Variants in NRXN1 observed in about 807,000 individuals in gnomAD.
NRXN1 encodes neurexin 1, also known as neurexin-1.
A neutral mutation model predicts 150.9 loss-of-function variants in NRXN1; 39 were observed. The ratio of observed to expected loss-of-function variants is 0.26; its 90% CI spans 0.20 to 0.34. The LOEUF is 0.34. Among genes scored for constraint, NRXN1 ranks in the 10% least tolerant of loss-of-function variants. NRXN1 has a pLI of 1.00. For missense variants in NRXN1, 1,815 were observed against 1,949.9 expected (o/e 0.93, Z 1.30); for synonymous variants, 924 against 757.0 (o/e 1.22, Z -3.62).
At chr2:50,813,641 TAC>T (rs1668531453) in intron 5 of NRXN1, among the ~76,000 whole-genome samples, 1 of 152,226 alleles carries the variant, frequency 6.6e-6, no homozygotes. Flanking sequence ...AAAGAGTTAT[TAC>T]TAAGTCTGAA....
intron 18 of NRXN1, among the ~76,000 whole-genome samples, chr2:50,207,385 T>A (rs1365511109): frequency 2.0e-5 from 3 of 152,056 alleles, no homozygotes; most frequent in Non-Finnish European, 4.4e-5. Flanking sequence ...TCCCTTGTGG[T>A]CACAATGGAA....
At chr2:50,402,548 T>C (rs1039422775) in intron 17 of NRXN1, among the ~76,000 whole-genome samples, 19 of 152,094 alleles carry the variant, frequency 1.2e-4, no homozygotes, top group Admixed American at 7.9e-4. Context: ...TAGTGTCCCC[T>C]GCTGGTCGAT....
chr2:50,812,720 A>AGTG (rs1668389915), intron 5 of NRXN1, among the ~76,000 whole-genome samples: 1 of 123,314 alleles, frequency 8.1e-6, no homozygotes, highest in Non-Finnish European at 1.7e-5. Context: ...CATAAATAAT[A>AGTG]AGAGTGTGTG....
At position 50,415,113 on chromosome 2, in the gene NRXN1, T is replaced by C. The variant is rs143051981; in HGVS notation, c.3364+50329A>G. Among the ~76,000 whole-genome samples the C allele has an allele frequency of 3.2e-3, 482 of 152,210 alleles. 12 individuals are homozygous for C. Among genetic ancestry groups the C allele is most frequent in the Admixed American group, 0.026 (405 of 15,286 alleles). On this transcript the variant is annotated intron_variant, in intron 17 of 22. Coordinates refer to ENST00000401669, the MANE Select transcript of NRXN1 (RefSeq NM_001330078.2). ...CTGTGGAATGGTACATAGGAAGGAC[T>C]TCATAGAAGCAGGGAGTAGGCAATG...
intron 5 of NRXN1, chr2:50,841,136 C>G (rs541557618): frequency 9.2e-5 from 14 of 152,642 alleles, no homozygotes; most frequent in Admixed American, 7.8e-4. Flanking sequence ...TATGAATGAG[C>G]TACATTACCT....
intron 5 of NRXN1, among the ~76,000 whole-genome samples, chr2:50,888,414 G>T (rs1680581058): frequency 6.6e-6 from 1 of 151,504 alleles, no homozygotes; most frequent in Non-Finnish European, 1.5e-5. Flanking sequence ...AGAAAGAACA[G>T]CTCAGGGCTA....
chr2:50,941,772 T>C (rs560619208), intron 2 of NRXN1, among the ~76,000 whole-genome samples: 1 of 152,172 alleles, frequency 6.6e-6, no homozygotes, highest in Non-Finnish European at 1.5e-5. Context: ...AAACAGAGCA[T>C]AAAAGTTTTG....
intron 18 of NRXN1, among the ~76,000 whole-genome samples, chr2:50,147,958 G>C (rs1047200303): frequency 5.3e-5 from 8 of 151,570 alleles, no homozygotes; most frequent in African/African-American, 1.9e-4. Flanking sequence ...ATAGGTCCTG[G>C]GTTGAGTGGG....
At chr2:51,013,710 G>C (rs1668248899) in intron 2 of NRXN1, among the ~76,000 whole-genome samples, 1 of 152,006 alleles carries the variant, frequency 6.6e-6, no homozygotes, top group African/African-American at 2.4e-5. Context: ...TAGTGATACA[G>C]ATTCACCCAC....
intron 2 of NRXN1, among the ~76,000 whole-genome samples, chr2:50,940,861 G>C (rs967809504): frequency 6.6e-6 from 1 of 152,114 alleles, no homozygotes; most frequent in African/African-American, 2.4e-5. Flanking sequence ...ATGTATATCA[G>C]AATTTGCAAA....
At chr2:50,160,623 T>C (rs377016308) in intron 18 of NRXN1, among the ~76,000 whole-genome samples, 4 of 151,752 alleles carry the variant, frequency 2.6e-5, no homozygotes, top group African/African-American at 9.7e-5. Context: ...AAAATGTGAG[T>C]AGGTAAACAC....
At chr2:50,566,366 C>G (rs1669842119) in intron 8 of NRXN1, among the ~76,000 whole-genome samples, 1 of 151,900 alleles carries the variant, frequency 6.6e-6, no homozygotes, top group Non-Finnish European at 1.5e-5. Context: ...GCCTCAGCCT[C>G]CCAAGTAGCT....
intron 5 of NRXN1, among the ~76,000 whole-genome samples, chr2:50,827,211 C>T (rs1214208022): frequency 1.3e-5 from 2 of 152,148 alleles, no homozygotes; most frequent in Non-Finnish European, 2.9e-5. Context: ...GCGTATGATA[C>T]AATGAATTAA....
chr2:51,006,483 C>T (rs776735173), intron 2 of NRXN1, among the ~76,000 whole-genome samples: 2 of 151,784 alleles, frequency 1.3e-5, no homozygotes, highest in Non-Finnish European at 1.5e-5. Context: ...CAACGTGGCA[C>T]ATGTATGTAT....
intron 2 of NRXN1, among the ~76,000 whole-genome samples, chr2:50,949,058 A>G (rs929309393): frequency 2.6e-5 from 4 of 152,084 alleles, no homozygotes; most frequent in Admixed American, 6.6e-5. Context: ...ATAATTAATT[A>G]GTCCAGCATT....
At chr2:50,254,487 G>T (rs1186721403) in intron 17 of NRXN1, among the ~76,000 whole-genome samples, 1 of 151,288 alleles carries the variant, frequency 6.6e-6, no homozygotes, top group Non-Finnish European at 1.5e-5. Flanking sequence ...TGGTTCTTTA[G>T]TTCTTCTAGT....
intron 5 of NRXN1, among the ~76,000 whole-genome samples, chr2:50,801,822 A>C (rs986359220): frequency 2.0e-5 from 3 of 152,200 alleles, no homozygotes; most frequent in Non-Finnish European, 4.4e-5. Context: ...TTTCTGATAT[A>C]ACTTTTGAAG....
intron 17 of NRXN1, among the ~76,000 whole-genome samples, chr2:50,308,410 C>G (rs1469750009): frequency 6.6e-6 from 1 of 152,050 alleles, no homozygotes; most frequent in Non-Finnish European, 1.5e-5. Context: ...TTACTGCTGC[C>G]TTGAATTTCT....
At chr2:50,026,757 T>A (rs1294376863) in intron 21 of NRXN1, among the ~76,000 whole-genome samples, 1 of 150,574 alleles carries the variant, frequency 6.6e-6, no homozygotes, top group Non-Finnish European at 1.5e-5. Context: ...CACCCGAAAA[T>A]GAAGCATGAA....
Sources: gnomAD v4.1 joint callset for allele counts (sites outside exome capture counted in the v4.1 genomes callset) on GRCh38, gnomAD v4.1.1 for gene constraint, MANE v1.5 for transcripts, NCBI Gene and HGNC (gene_info 2026-07-23, HGNC 2026-07-21) for gene names.